The following CACNA1B variants were observed in gnomAD, a reference collection of about 807,000 sequenced individuals.
The protein encoded by CACNA1B is voltage-dependent N-type calcium channel subunit alpha-1B.
Under a neutral mutation model 247.2 loss-of-function variants are expected in CACNA1B, and 70 were observed. The observed-to-expected ratio is 0.28, with a 90% confidence interval of 0.23 to 0.35. CACNA1B has a LOEUF of 0.35. Ranked by LOEUF, CACNA1B falls within the 10% of genes least tolerant of loss-of-function variation. CACNA1B has a pLI of 1.00. For synonymous variants in CACNA1B, 1,231 were observed against 1,294.4 expected (o/e 0.95, Z 1.05); for missense variants, 2,367 against 3,197.4 (o/e 0.74, Z 6.26).
chr9:137,895,968 A>G (rs1334171582), intron 3 of CACNA1B, among the ~76,000 whole-genome samples: 2 of 152,178 alleles, frequency 1.3e-5, no homozygotes, highest in Non-Finnish European at 2.9e-5. Context: ...GGCTGGGCGT[A>G]GTGGCTCACG....
At chr9:137,931,425 G>A (rs1422084059) in intron 6 of CACNA1B, among the ~76,000 whole-genome samples, 1 of 152,100 alleles carries the variant, frequency 6.6e-6, no homozygotes, top group African/African-American at 2.4e-5. Context: ...GGAATGGGGG[G>A]CGTTGCAAAG....
At chr9:137,884,014 G>A (rs572506631) in intron 3 of CACNA1B, among the ~76,000 whole-genome samples, 2 of 151,258 alleles carry the variant, frequency 1.3e-5, no homozygotes, top group South Asian at 2.1e-4. Flanking sequence ...AGAAGCAGTC[G>A]GCTACATGGC....
At chr9:138,013,798 C>G (rs993970879) in intron 18 of CACNA1B, among the ~76,000 whole-genome samples, 5 of 152,192 alleles carry the variant, frequency 3.3e-5, no homozygotes, top group Non-Finnish European at 7.3e-5. Context: ...AGCCCAGGGC[C>G]AAAGGCTGCA....
chr9:138,043,197 G>A (rs1959148274), intron 20 of CACNA1B, among the ~76,000 whole-genome samples: 1 of 152,198 alleles, frequency 6.6e-6, no homozygotes, highest in Admixed American at 6.5e-5. Context: ...CGGGGAAGGA[G>A]GCGACGAGTC....
chr9:138,035,373 C>G (rs1959029698), intron 20 of CACNA1B, among the ~76,000 whole-genome samples: 1 of 152,168 alleles, frequency 6.6e-6, no homozygotes, highest in Non-Finnish European at 1.5e-5. Flanking sequence ...GCAAGAGAAT[C>G]TCTTGAACCC....
In CACNA1B at chr9:137,888,360, C is replaced by A. The variant is rs114954705; in HGVS notation, c.530+5477C>A. On this transcript the variant is annotated intron_variant, in intron 3 of 46. Transcript: ENST00000371372. The surrounding 1 kb of genome is among the most constrained non-coding windows in gnomAD (Gnocchi z 4.7). ...ACGTCACTGCCTCTGCCCTCCCGGG[C>A]CCCTCAGGAAGCCCCTGTCAAGCCT... Among the ~76,000 whole-genome samples, 6,003 of 152,158 alleles carry A rather than the reference C, an allele frequency of 0.039. 432 individuals carry two copies. Among genetic ancestry groups the A allele is most frequent in the African/African-American group, 0.14 (5,651 of 41,502 alleles).
In CACNA1B at chr9:138,045,503, G is replaced by A. The variant is rs374500407; in HGVS notation, c.3414-1401G>A. Among the ~76,000 whole-genome samples, 6 of 152,324 alleles carry A rather than the reference G, an allele frequency of 3.9e-5. No individual in the cohort carries two copies. In the East Asian group the frequency reaches 7.7e-4, roughly 20 times the overall value. On this transcript the variant is annotated intron_variant, in intron 21 of 46. Coordinates refer to ENST00000371372, the MANE Select transcript of CACNA1B (RefSeq NM_000718.4). ...TGGTGATAAATTAGATGTGGAAGGG[G>A]AAGGAGACATCGAGGATGTCTGACT...
chr9:137,996,219 A>AT (rs1256353011), intron 15 of CACNA1B, among the ~76,000 whole-genome samples: 1 of 152,286 alleles, frequency 6.6e-6, no homozygotes, highest in Non-Finnish European at 1.5e-5. Flanking sequence ...GCATGTTTAT[A>AT]GCAGCACAAT....
chr9:137,944,751 C>T (rs1272624250), intron 6 of CACNA1B, among the ~76,000 whole-genome samples: 2 of 152,128 alleles, frequency 1.3e-5, no homozygotes, highest in Non-Finnish European at 2.9e-5. Flanking sequence ...ACTGGCCCCT[C>T]AGCTCCTGCT....
intron 37 of CACNA1B, among the ~76,000 whole-genome samples, chr9:138,101,713 G>A (rs542374610): frequency 9.8e-5 from 15 of 152,350 alleles, no homozygotes; most frequent in African/African-American, 2.4e-4. Context: ...GGAGTGATGC[G>A]CTCAGCTCAG....
chr9:138,047,748 G>A (rs568195616), intron 23 of CACNA1B, among the ~76,000 whole-genome samples: 1 of 152,230 alleles, frequency 6.6e-6, no homozygotes, highest in Non-Finnish European at 1.5e-5. Flanking sequence ...TGTCTCCAAT[G>A]TGCACATGTG....
At chr9:137,949,120 CAGTGTG>C (rs1564203200) in intron 6 of CACNA1B, among the ~76,000 whole-genome samples, 44 of 1,066 alleles carry the variant, frequency 0.041, no homozygotes, top group Non-Finnish European at 0.049. Flanking sequence ...GCTGTGTGTC[CAGTGTG>C]TGTGTGTGTG....
Position 138,052,109 on chromosome 9 carries a change from A to G in CACNA1B, c.3728A>G (p.Asp1243Gly). 6.2e-7 allele frequency: 1 copy of G among 1,608,550 alleles called. No individual in the cohort carries two copies. The highest frequency in any genetic ancestry group is 8.5e-7 in the Non-Finnish European group (1 of 1,175,334). ...CCTTCTAGAGGATCCAAAGGGAAAG[A>G]CATCAATACCATCAAGTCTCTGAGA... ...AFAFSGSKGK[D>G]INTIKSLRVL... The change falls in exon 25 of 47, where the codon GAC becomes GGC. Residue 1243 changes from aspartate (D) to glycine (G), a missense_variant. Asp to Gly is a moderately conservative substitution (Grantham distance 94, BLOSUM62 -1). Transcript: ENST00000371372. This position sits in a 1 kb window ranked among gnomAD's most constrained non-coding sequence, Gnocchi z 5.1.
chr9:138,064,878 C>T (rs967420504), intron 31 of CACNA1B, among the ~76,000 whole-genome samples: 5 of 152,266 alleles, frequency 3.3e-5, no homozygotes, highest in Non-Finnish European at 7.3e-5. Flanking sequence ...CACCAGTGGC[C>T]TTGTGCGTGA....
Position 138,118,682 on chromosome 9 carries a change from C to A in CACNA1B, c.5944C>A (p.Arg1982=), listed in dbSNP as rs199630162. The A allele has an allele frequency of 9.6e-6, 15 of 1,563,718 alleles. No homozygotes were observed. Among genetic ancestry groups the A allele is most frequent in the Non-Finnish European group, 1.0e-5 (12 of 1,152,606 alleles). ...GGACGTTCAGATGCAGAGCATAACC[C>A]GGAGGGGCCCTGATGGGGAGCCCCA... ...AVDVQMQSIT[R]RGPDGEPQPG... is the part of the protein sequence containing the mutation. Residue 1982 remains arginine (R), a synonymous_variant, in exon 44 of 47, where the codon CGG becomes AGG. Transcript: ENST00000371372.
intron 17 of CACNA1B, 21 bp from the exon 18 acceptor site, chr9:138,013,108 C>T (rs189909899): frequency 1.3e-6 from 2 of 1,579,566 alleles, no homozygotes; most frequent in South Asian, 1.1e-5. Flanking sequence ...GGGAACTGGA[C>T]ATTTCTCTTT....
intron 2 of CACNA1B, 128 bp downstream of exon 2, chr9:137,879,287 G>A (rs1209175514): frequency 1.6e-5 from 10 of 634,530 alleles, no homozygotes; most frequent in Admixed American, 1.0e-4. Context: ...GCGTCTGAAG[G>A]AAAAGGTAGG....
At chr9:137,885,763 TG>T (rs1330213127) in intron 3 of CACNA1B, among the ~76,000 whole-genome samples, 6 of 124,222 alleles carry the variant, frequency 4.8e-5, no homozygotes, top group African/African-American at 1.9e-4. Context: ...GTCTGGGCTG[TG>T]GGGGGGCTGT....
In CACNA1B at chr9:138,121,254, C is replaced by A. The variant is rs1962085565; in HGVS notation, c.6490-215C>A. ...AGCCTGTCCCTTCCCATCACCTGCT[C>A]TCCCCAACCCCATTCCTGGGCCTGA... is the stretch of plus-strand genomic sequence containing the variant. On this transcript the variant is annotated intron_variant, in intron 46 of 46. Transcript: ENST00000371372. The surrounding 1 kb of genome is among the most constrained non-coding windows in gnomAD (Gnocchi z 6.8). Among the ~76,000 whole-genome samples the A allele has an allele frequency of 6.6e-6, 1 of 151,998 alleles. No individual in the cohort carries two copies. Among genetic ancestry groups the A allele is most frequent in the Non-Finnish European group, 1.5e-5 (1 of 67,992 alleles).
Sources: allele counts gnomAD v4.1 joint callset (sites outside exome capture counted in the v4.1 genomes callset), GRCh38; gene constraint gnomAD v4.1.1; non-coding constraint Gnocchi (gnomAD v3.1); transcripts MANE v1.5; gene names NCBI Gene and HGNC (gene_info 2026-07-23, HGNC 2026-07-21).